The following PCDH15 variants were observed in gnomAD, a reference collection of about 807,000 sequenced individuals.
The protein encoded by PCDH15 is protocadherin-15.
A neutral mutation model predicts 178.5 loss-of-function variants in PCDH15; 129 were observed. That is an observed-to-expected ratio of 0.72 (90% CI 0.63 to 0.84). The LOEUF is 0.84. Ranked by LOEUF, PCDH15 falls within the 40% of genes least tolerant of loss-of-function variation. PCDH15 has a pLI of 0.00. For synonymous variants in PCDH15, 800 were observed against 732.0 expected (o/e 1.09, Z -1.50); for missense variants, 2,230 against 2,099.9 (o/e 1.06, Z -1.21).
At chr10:54,632,770 T>C (rs2093736722) in intron 2 of PCDH15, among the ~76,000 whole-genome samples, 1 of 152,086 alleles carries the variant, frequency 6.6e-6, no homozygotes, top group Admixed American at 6.6e-5. Context: ...ACAGATCTAT[T>C]AATCACTCAT....
chr10:55,158,442 G>A (rs1428391092), intron 2 of PCDH15, among the ~76,000 whole-genome samples: 3 of 151,894 alleles, frequency 2.0e-5, no homozygotes, highest in Non-Finnish European at 4.4e-5. Flanking sequence ...TACCTTGTGA[G>A]GGGAAATCTT....
chr10:53,827,267 T>A, intron 32 of PCDH15, 126 bp downstream of exon 32: 2 of 1,296,542 alleles, frequency 1.5e-6, no homozygotes, highest in Non-Finnish European at 2.0e-6. Context: ...AATTTTCTCT[T>A]GAAAATAATA....
chr10:54,893,542 G>A (rs980019268), intron 3 of PCDH15, among the ~76,000 whole-genome samples: 1 of 152,054 alleles, frequency 6.6e-6, no homozygotes, highest in Admixed American at 6.6e-5. Context: ...TGCTTGGTTA[G>A]TGTGTATGTG....
intron 35 of PCDH15, among the ~76,000 whole-genome samples, chr10:53,814,940 G>C (rs2076006597): frequency 6.7e-6 from 1 of 149,632 alleles, no homozygotes; most frequent in South Asian, 2.1e-4. Context: ...CTCCAGCCTG[G>C]CGATGGAACA....
chr10:53,962,816 C>T (rs951354520), intron 21 of PCDH15, among the ~76,000 whole-genome samples: 1 of 152,152 alleles, frequency 6.6e-6, no homozygotes, highest in Non-Finnish European at 1.5e-5. Flanking sequence ...TGGCTGTCCT[C>T]ACTTATATTA....
chr10:54,162,922 T>C (rs1430474832), intron 13 of PCDH15, among the ~76,000 whole-genome samples: 3 of 151,956 alleles, frequency 2.0e-5, no homozygotes, highest in East Asian at 3.9e-4. Context: ...TATGACAGAG[T>C]CGATTTTTCT....
At chr10:55,276,310 A>G (rs1223201860) in intron 1 of PCDH15, among the ~76,000 whole-genome samples, 3 of 151,114 alleles carry the variant, frequency 2.0e-5, no homozygotes, top group Middle Eastern at 0.017. Flanking sequence ...AATACTTTCA[A>G]TATTTTACCA....
chr10:54,787,766 C>T (rs1951026512), intron 1 of PCDH15, among the ~76,000 whole-genome samples: 1 of 151,926 alleles, frequency 6.6e-6, no homozygotes, highest in African/African-American at 2.4e-5. Context: ...CTAGCAAAGC[C>T]AATGGAGAGA....
chr10:55,424,029 T>C (rs1287825663), intron 2 of PCDH15, among the ~76,000 whole-genome samples: 2 of 152,146 alleles, frequency 1.3e-5, no homozygotes, highest in Non-Finnish European at 2.9e-5. Flanking sequence ...GAAGGTCTAA[T>C]ATCTCAAACT....
rs900800636 is a variant in PCDH15, at chr10:54,122,901, C to A, written c.1917+9974G>T. Among the ~76,000 whole-genome samples the A allele has an allele frequency of 1.5e-3, 219 of 148,592 alleles. 1 individual carries two copies. The highest frequency in any genetic ancestry group is 5.0e-3 in the African/African-American group (203 of 40,678). ...AAAAAAAAAAAAAGGGAACCCTTGA[C>A]AAAAATAAGCACTGTGGAAAGGACT... On this transcript the variant is annotated intron_variant, in intron 15 of 37. Transcript: ENST00000644397.
intron 2 of PCDH15, among the ~76,000 whole-genome samples, chr10:55,407,536 C>G (rs542992312): frequency 6.6e-6 from 1 of 152,146 alleles, no homozygotes; most frequent in Non-Finnish European, 1.5e-5. Context: ...TTAAACCTCT[C>G]TAAGTCTCTA....
chr10:54,872,331 T>C (rs1266971380), intron 3 of PCDH15, among the ~76,000 whole-genome samples: 1 of 152,060 alleles, frequency 6.6e-6, no homozygotes, highest in Non-Finnish European at 1.5e-5. Context: ...TAGAGCTGAA[T>C]AGCTGCATAG....
At chr10:54,021,457 A>G (rs374921048) in intron 19 of PCDH15, among the ~76,000 whole-genome samples, 1 of 152,072 alleles carries the variant, frequency 6.6e-6, no homozygotes. Flanking sequence ...TTTTAATTCA[A>G]TTTTCAATCA....
chr10:54,165,431 AAAC>A (rs2046120395), intron 13 of PCDH15, among the ~76,000 whole-genome samples: 2 of 152,200 alleles, frequency 1.3e-5, no homozygotes, highest in African/African-American at 2.4e-5. Flanking sequence ...GCAAGAAATA[AAAC>A]AACAAGAAGA....
At chr10:53,819,797 T>C (rs1359933046) in intron 33 of PCDH15, among the ~76,000 whole-genome samples, 4 of 151,944 alleles carry the variant, frequency 2.6e-5, no homozygotes, top group Non-Finnish European at 5.9e-5. Context: ...AAAGGTCTCA[T>C]ATAGAAGATA....
chr10:54,219,791 A>G (rs1332558162), intron 9 of PCDH15, among the ~76,000 whole-genome samples: 1 of 151,982 alleles, frequency 6.6e-6, no homozygotes, highest in African/African-American at 2.4e-5. Flanking sequence ...ATATTAAATA[A>G]GGATTGTTAT....
At chr10:55,206,434 T>A (rs1340148148) in intron 1 of PCDH15, among the ~76,000 whole-genome samples, 1 of 152,144 alleles carries the variant, frequency 6.6e-6, no homozygotes, top group Non-Finnish European at 1.5e-5. Flanking sequence ...TGCCATCATC[T>A]GGAAGGCTAA....
chr10:54,494,701 A>G (rs974346691), intron 3 of PCDH15, among the ~76,000 whole-genome samples: 1 of 152,118 alleles, frequency 6.6e-6, no homozygotes, highest in African/African-American at 2.4e-5. Context: ...TTATGGTCAT[A>G]GTTTTTTTCT....
At chr10:55,252,579 C>T (rs1415220377) in intron 1 of PCDH15, among the ~76,000 whole-genome samples, 1 of 151,776 alleles carries the variant, frequency 6.6e-6, no homozygotes, top group Admixed American at 6.6e-5. Flanking sequence ...AAATATAATT[C>T]AACATTTAAT....
Sources: allele counts gnomAD v4.1 joint callset (sites outside exome capture counted in the v4.1 genomes callset), GRCh38; gene constraint gnomAD v4.1.1; transcripts MANE v1.5; gene names NCBI Gene and HGNC (gene_info 2026-07-23, HGNC 2026-07-21).